DNAI1: variants seen among roughly 807,000 people sequenced by gnomAD.
DNAI1 encodes the protein dynein axonemal intermediate chain 1, also known as dynein, axonemal, intermediate polypeptide 1.
Under a neutral mutation model 92.0 loss-of-function variants are expected in DNAI1, and 67 were observed. The ratio of observed to expected loss-of-function variants is 0.73; its 90% CI spans 0.60 to 0.89. The LOEUF is 0.89. DNAI1 is among the 40% of genes least tolerant of loss of function. The pLI is 0.00. For synonymous variants in DNAI1, 323 were observed against 319.6 expected (o/e 1.01, Z -0.11); for missense variants, 839 against 866.6 (o/e 0.97, Z 0.40).
chr9:34,497,088 G>C (rs1260186271), intron 9 of DNAI1, 27 bp from the exon 10 acceptor site: 10 of 1,586,870 alleles, frequency 6.3e-6, no homozygotes, highest in Non-Finnish European at 3.5e-6. Context: ...TGGTTTATGA[G>C]GACCTGAAGT....
At position 34,491,322 on chromosome 9, in the gene DNAI1, G is replaced by A. The variant is rs140142978; in HGVS notation, c.622-173G>A. The A allele has an allele frequency of 7.8e-5, 55 of 703,540 alleles. No individual in the cohort carries two copies. In the African/African-American group the frequency reaches 8.6e-4, roughly 11 times the overall value. The allele number at this position is 703,540 out of a possible 1,614,324, so 43.6% of individuals were successfully genotyped here. A position where few individuals can be genotyped will look rare whatever the true frequency, so the allele number is the denominator to read the frequency against. On this transcript the variant is annotated intron_variant, in intron 7 of 19. Coordinates refer to ENST00000242317, the MANE Select transcript of DNAI1 (RefSeq NM_012144.4). ...AAGGAGGCCAGAATGGACACAATATGGGCTTTGAATGCATCATTCAGTTAT... is the reference window on the plus strand; with the variant it reads ...AAGGAGGCCAGAATGGACACAATATAGGCTTTGAATGCATCATTCAGTTAT...
intron 2 of DNAI1, among the ~76,000 whole-genome samples, chr9:34,484,048 T>G (rs549687737): frequency 1.3e-5 from 2 of 152,052 alleles, no homozygotes; most frequent in Non-Finnish European, 2.9e-5. Flanking sequence ...AAACCCCATC[T>G]CTACTAAAAT....
At position 34,490,474 on chromosome 9, in the gene DNAI1, A is replaced by G; in HGVS notation, c.607A>G (p.Asn203Asp). Reference protein sequence around the residue: ...NFSERASQTYNNPVRDRECQT... With the variant: ...NFSERASQTYDNPVRDRECQT... ...CAGTGAGAGGGCCTCACAGACCTAC[A>G]ACAACCCTGTCCGGGTAGAGCAGCC... is the stretch of plus-strand genomic sequence containing the variant. Residue 203 changes from asparagine (N) to aspartate (D), a missense_variant, in exon 7 of 20, where the codon AAC becomes GAC. Asn to Asp is a conservative substitution (Grantham distance 23, BLOSUM62 1). Coordinates refer to ENST00000242317, the MANE Select transcript of DNAI1 (RefSeq NM_012144.4). 2 of 1,614,182 alleles carry G rather than the reference A, an allele frequency of 1.2e-6. No homozygotes were observed. The highest frequency in any genetic ancestry group is 1.1e-5 in the South Asian group (1 of 91,092).
intron 1 of DNAI1, among the ~76,000 whole-genome samples, chr9:34,477,665 AG>A (rs1824263911): frequency 6.6e-6 from 1 of 152,180 alleles, no homozygotes; most frequent in South Asian, 2.1e-4. Context: ...TGCTAGTGAG[AG>A]GGTGAAGAAA....
At chr9:34,481,285 G>A (rs1473728934) in intron 1 of DNAI1, among the ~76,000 whole-genome samples, 2 of 152,216 alleles carry the variant, frequency 1.3e-5, no homozygotes, top group Non-Finnish European at 2.9e-5. Context: ...TTTATTGCCT[G>A]GTACAGAGAT....
At chr9:34,485,323 C>T (rs557715060) in intron 3 of DNAI1, 83 bp downstream of exon 3, 5 of 1,598,662 alleles carry the variant, frequency 3.1e-6, no homozygotes, top group East Asian at 2.2e-5. Context: ...TGATTAGGAG[C>T]TTGCCCAGAA....
At chr9:34,471,454 A>AG (rs1824131933) in intron 1 of DNAI1, among the ~76,000 whole-genome samples, 1 of 151,434 alleles carries the variant, frequency 6.6e-6, no homozygotes, top group African/African-American at 2.4e-5. Context: ...CCACAAAAAA[A>AG]AAAAAAAAGA....
At chr9:34,482,725 G>A (rs992569588) in intron 1 of DNAI1, among the ~76,000 whole-genome samples, 103 of 152,402 alleles carry the variant, frequency 6.8e-4, no homozygotes, top group Non-Finnish European at 1.3e-3. Flanking sequence ...CACCGGGGCT[G>A]CAGGTGAAGC....
chr9:34,480,468 G>A (rs1179728218), intron 1 of DNAI1, among the ~76,000 whole-genome samples: 2 of 151,738 alleles, frequency 1.3e-5, no homozygotes, highest in African/African-American at 4.8e-5. Context: ...AGTAGAGACA[G>A]GGTTTCGCCA....
At chr9:34,473,495 T>C (rs567013183) in intron 1 of DNAI1, among the ~76,000 whole-genome samples, 2 of 152,236 alleles carry the variant, frequency 1.3e-5, no homozygotes, top group East Asian at 3.9e-4. Flanking sequence ...TTTCGCCCTG[T>C]TGGCCAGGCT....
Position 34,490,497 on chromosome 9 carries a change from G to GC in DNAI1, c.621+14dup, listed in dbSNP as rs757124110. ...ACAACAACCCTGTCCGGGTAGAGCA[G>GC]CCCCCACCCTAGCCCCTTTGCAGCT... On this transcript the variant is annotated intron_variant, in intron 7 of 19. Transcript: ENST00000242317. The GC allele has an allele frequency of 1.5e-5, 24 of 1,613,812 alleles. No homozygotes were observed. Among genetic ancestry groups the GC allele is most frequent in the Non-Finnish European group, 2.0e-5 (24 of 1,180,042 alleles).
chr9:34,512,029 T>C (rs928651222), intron 13 of DNAI1, 80 bp from the exon 14 acceptor site: 2 of 1,403,128 alleles, frequency 1.4e-6, no homozygotes, highest in African/African-American at 2.8e-5. Context: ...AGATGGGTGC[T>C]TGGGGGAGCC....
chr9:34,490,141 C>T lies in DNAI1; in HGVS notation c.501+17C>T. On this transcript the variant is annotated intron_variant, in intron 6 of 19. Coordinates refer to ENST00000242317, the MANE Select transcript of DNAI1 (RefSeq NM_012144.4). ...GCAGCTGGGGTACAGTATAATATCGCTCTGTGTCCCTCTTCTTCCAGCTCA... is the reference window on the plus strand; with the variant it reads ...GCAGCTGGGGTACAGTATAATATCGTTCTGTGTCCCTCTTCTTCCAGCTCA... 4.3e-6 allele frequency: 7 copies of T among 1,613,578 alleles called. No homozygotes were observed. Among genetic ancestry groups the T allele is most frequent in the Non-Finnish European group, 5.9e-6 (7 of 1,179,754 alleles).
intron 1 of DNAI1, among the ~76,000 whole-genome samples, chr9:34,477,516 A>T (rs1401024737): frequency 3.9e-5 from 6 of 152,206 alleles, no homozygotes; most frequent in Admixed American, 3.9e-4. Flanking sequence ...AATTATAATG[A>T]TATAATCATT....
intron 12 of DNAI1, among the ~76,000 whole-genome samples, chr9:34,502,163 G>A (rs1351063019): frequency 6.6e-6 from 1 of 152,206 alleles, no homozygotes; most frequent in Admixed American, 6.5e-5. Context: ...ACCAGGGTGG[G>A]GAGGGGCAGT....
At chr9:34,498,723 G>A (rs1183352711) in intron 10 of DNAI1, among the ~76,000 whole-genome samples, 1 of 152,166 alleles carries the variant, frequency 6.6e-6, no homozygotes, top group African/African-American at 2.4e-5. Flanking sequence ...CCTCGATGCT[G>A]GCTGGTCTCC....
rs941724534 is a variant in DNAI1, at chr9:34,500,641, G to A, written c.902-81G>A. 14 of 895,366 alleles carry A rather than the reference G, an allele frequency of 1.6e-5. No homozygotes were observed. In the East Asian group the frequency reaches 3.0e-4, roughly 19 times the overall value. The allele number at this position is 895,366 out of a possible 1,614,324, so 55.5% of individuals were successfully genotyped here. A position where few individuals can be genotyped will look rare whatever the true frequency, so the allele number is the denominator to read the frequency against. On this transcript the variant is annotated intron_variant, in intron 10 of 19. Coordinates refer to ENST00000242317, the MANE Select transcript of DNAI1 (RefSeq NM_012144.4). ...ACAGAGGCTCATTGTTTTGCCCAAG[G>A]AGGTACAGACAGTAAGTGGTGGACC...
At chr9:34,474,669 A>C (rs1474775232) in intron 1 of DNAI1, among the ~76,000 whole-genome samples, 1 of 150,204 alleles carries the variant, frequency 6.7e-6, no homozygotes, top group African/African-American at 2.5e-5. Flanking sequence ...CCCGGGTTCA[A>C]GTGATTCTCC....
intron 9 of DNAI1, among the ~76,000 whole-genome samples, chr9:34,495,129 T>G (rs1187075874): frequency 6.6e-6 from 1 of 152,228 alleles, no homozygotes; most frequent in African/African-American, 2.4e-5. Flanking sequence ...CAGAAATCAA[T>G]GCACATTTGT....
Sources: allele counts gnomAD v4.1 joint callset (sites outside exome capture counted in the v4.1 genomes callset), GRCh38; gene constraint gnomAD v4.1.1; transcripts MANE v1.5; gene names NCBI Gene and HGNC (gene_info 2026-07-23, HGNC 2026-07-21).